Variants in AMD1 observed in about 807,000 individuals in gnomAD.
AMD1 encodes S-adenosylmethionine decarboxylase proenzyme.
In AMD1, 11 loss-of-function variants were observed where a neutral mutation model predicts 40.2. The ratio of observed to expected loss-of-function variants is 0.27; its 90% confidence interval spans 0.17 to 0.45. AMD1 has a LOEUF of 0.45. Among genes scored for constraint, AMD1 ranks in the 20% least tolerant of loss-of-function variants. The pLI, the probability that AMD1 is intolerant of heterozygous loss-of-function variation, is 1.00. For synonymous variants in AMD1, 121 were observed against 130.8 expected, an observed-to-expected ratio of 0.93 and a Z score of 0.51; for missense variants, 257 against 410.2, an observed-to-expected ratio of 0.63 and a Z score of 3.23.
At chr6:110,814,993 C>T in the AMD1 span, 15 of 1,602,512 alleles carry the variant, frequency 9.4e-6, no homozygotes, top group African/African-American at 1.9e-4. Context: ...CCTACTCCTC[C>T]CGCCCCTGCT....
At chr6:110,814,929 G>A in the AMD1 span, 2 of 1,582,384 alleles carry the variant, frequency 1.3e-6, no homozygotes, top group Non-Finnish European at 8.6e-7. Flanking sequence ...GGCCCGACTG[G>A]GATCCGACCC....
intron 1 of AMD1, among the ~76,000 whole-genome samples, chr6:110,878,118 A>G (rs1268467912): frequency 1.3e-5 from 2 of 152,192 alleles, no homozygotes; most frequent in Non-Finnish European, 2.9e-5. Flanking sequence ...ATTTCACTGG[A>G]GTGTTCTGTA....
upstream of AMD1, among the ~76,000 whole-genome samples, chr6:110,873,366 A>G (rs1784954842): frequency 6.6e-6 from 1 of 152,220 alleles, no homozygotes; most frequent in Non-Finnish European, 1.5e-5. Context: ...TCCGTCTCAG[A>G]CAAACAAAAC....
intron 1 of AMD1, among the ~76,000 whole-genome samples, chr6:110,880,177 G>GGCT (rs1403736775): frequency 2.4e-4 from 36 of 152,164 alleles, no homozygotes; most frequent in African/African-American, 8.2e-4. Flanking sequence ...GGCTGGTCTT[G>GGCT]AACTCCTGAC....
At chr6:110,820,369 T>A in the AMD1 span, among the ~76,000 whole-genome samples, 33 of 151,940 alleles carry the variant, frequency 2.2e-4, no homozygotes, top group African/African-American at 6.7e-4. Flanking sequence ...CCCAGGTAGC[T>A]GGGATTATAG....
chr6:110,881,512 G>C (rs913650336), intron 1 of AMD1, among the ~76,000 whole-genome samples: 3 of 152,264 alleles, frequency 2.0e-5, no homozygotes, highest in African/African-American at 7.2e-5. Flanking sequence ...AACCACCTAA[G>C]AATTGTGTGC....
In AMD1 at chr6:110,887,540, G is replaced by A. The variant is rs1416132133; in HGVS notation, c.146G>A (p.Cys49Tyr). The change falls in exon 2 of 9, where the codon TGT (cysteine) becomes TAT (tyrosine). Residue 49 changes from cysteine (C) to tyrosine (Y), a missense_variant. By Grantham distance (194) the Cys-to-Tyr change is radical. Coordinates refer to ENST00000368885, the MANE Select transcript of AMD1 (RefSeq NM_001634.6). ...GACATACTTTTGAAGGATGTGCAAT[G>A]TTCAATCATAAGTGTGACAAAAACT... ...EWDILLKDVQ[C>Y]SIISVTKTDK... 6.2e-7 allele frequency: 1 copy of A among 1,609,536 alleles called. No homozygotes were observed. Among genetic ancestry groups the A allele is most frequent in the Admixed American group, 1.7e-5 (1 of 58,964 alleles).
At chr6:110,828,457 G>GAAAAGA in the AMD1 span, among the ~76,000 whole-genome samples, 5 of 151,496 alleles carry the variant, frequency 3.3e-5, no homozygotes, top group African/African-American at 9.7e-5. Flanking sequence ...AGAAAGAAAA[G>GAAAAGA]AAAAGAAAAA....
At chr6:110,825,973 C>T in the AMD1 span, among the ~76,000 whole-genome samples, 1 of 151,856 alleles carries the variant, frequency 6.6e-6, no homozygotes, top group African/African-American at 2.4e-5. Flanking sequence ...TTGAGACCAG[C>T]CTGGGCAACA....
the AMD1 span, among the ~76,000 whole-genome samples, chr6:110,820,550 T>A: frequency 1.3e-5 from 2 of 151,620 alleles, no homozygotes. Flanking sequence ...AGTAAATCGT[T>A]TTTAGGGGAA....
At chr6:110,827,419 A>G in the AMD1 span, among the ~76,000 whole-genome samples, 1 of 151,924 alleles carries the variant, frequency 6.6e-6, no homozygotes, top group African/African-American at 2.4e-5. Flanking sequence ...CTAAGTTTAC[A>G]GGCATGAGCC....
At chr6:110,876,739 G>A (rs1006259251) in intron 1 of AMD1, among the ~76,000 whole-genome samples, 1 of 152,206 alleles carries the variant, frequency 6.6e-6, no homozygotes, top group Non-Finnish European at 1.5e-5. Flanking sequence ...TCATTTCACA[G>A]ATGAGAAAGA....
At chr6:110,854,021 G>A in the AMD1 span, among the ~76,000 whole-genome samples, 14,406 of 152,108 alleles carry the variant, frequency 0.095, 1,318 homozygotes, top group African/African-American at 0.24. Flanking sequence ...ACTTGGCAGG[G>A]GTGAAGGAAA....
At chr6:110,848,686 A>G in the AMD1 span, 1 of 366,540 alleles carries the variant, frequency 2.7e-6, no homozygotes, top group South Asian at 2.8e-5. Context: ...GATACCTGAG[A>G]CAGTTAACTG....
intron 2 of AMD1, among the ~76,000 whole-genome samples, chr6:110,887,975 C>T (rs939836912): frequency 3.3e-5 from 5 of 152,016 alleles, no homozygotes; most frequent in African/African-American, 4.8e-5. Context: ...CGTGAGCCAC[C>T]GCGCCCAGCC....
chr6:110,855,065 C>CTTTTTTTT, the AMD1 span, among the ~76,000 whole-genome samples: 93 of 80,458 alleles, frequency 1.2e-3, 5 homozygotes, highest in East Asian at 2.0e-3. Flanking sequence ...CTCTCTCTCT[C>CTTTTTTTT]TTTTTTTTTT....
chr6:110,853,960 C>T, the AMD1 span, among the ~76,000 whole-genome samples: 1 of 152,170 alleles, frequency 6.6e-6, no homozygotes, highest in African/African-American at 2.4e-5. Context: ...GCAACATTTC[C>T]CTGCCCTGCT....
chr6:110,829,340 T>C, the AMD1 span, among the ~76,000 whole-genome samples: 1 of 148,704 alleles, frequency 6.7e-6, no homozygotes, highest in Non-Finnish European at 1.5e-5. Flanking sequence ...GAGAACAGCC[T>C]GGGCAACATG....
intron 1 of AMD1, among the ~76,000 whole-genome samples, chr6:110,886,956 G>A (rs560721879): frequency 9.9e-5 from 15 of 152,160 alleles, no homozygotes; most frequent in African/African-American, 3.1e-4. Context: ...CTGTTAAACG[G>A]GCTTTCTCAT....
Sources: gnomAD v4.1 joint callset for allele counts (sites outside exome capture counted in the v4.1 genomes callset) on GRCh38, gnomAD v4.1.1 for gene constraint, MANE v1.5 for transcripts, NCBI Gene and HGNC (gene_info 2026-07-23, HGNC 2026-07-21) for gene names.